The following KIF24 variants were observed in gnomAD, a reference collection of about 807,000 sequenced individuals.
KIF24 encodes kinesin-like protein KIF24.
KIF24 carries 81 observed loss-of-function variants against 118.9 expected under a neutral mutation model. The ratio of observed to expected loss-of-function variants is 0.68; its 90% CI spans 0.57 to 0.82. The LOEUF (loss-of-function observed/expected upper bound fraction) is 0.82. Ranked by LOEUF, KIF24 falls within the 40% of genes least tolerant of loss-of-function variation. KIF24 has a pLI of 0.00. For missense variants in KIF24, 1,560 were observed against 1,661.6 expected, an observed-to-expected ratio of 0.94 and a Z score of 1.06; for synonymous variants, 599 against 610.0, an observed-to-expected ratio of 0.98 and a Z score of 0.27.
intron 7 of KIF24, among the ~76,000 whole-genome samples, chr9:34,270,049 C>T (rs1835443976): frequency 6.6e-6 from 1 of 151,376 alleles, no homozygotes; most frequent in African/African-American, 2.4e-5. Flanking sequence ...TGGTGAAACC[C>T]CGTCTCTACT....
chr9:34,285,590 C>T lies in KIF24; in HGVS notation c.1215+1027G>A, dbSNP rs545629232. ...GAGATCGAGACCATTCTGGCAAACA[C>T]GGTGAAACCCCGTTTCTACTAAAAA... On this transcript the variant is annotated intron_variant, in intron 6 of 12. Coordinates refer to ENST00000402558, the MANE Select transcript of KIF24 (RefSeq NM_194313.4). 1.3e-3 allele frequency among the ~76,000 whole-genome samples: 195 copies of T among 151,926 alleles called. 1 individual carries two copies. Among genetic ancestry groups the T allele is most frequent in the Admixed American group, 3.1e-3 (47 of 15,250 alleles).
intron 9 of KIF24, among the ~76,000 whole-genome samples, chr9:34,262,044 C>T (rs1835076142): frequency 6.6e-6 from 1 of 152,186 alleles, no homozygotes; most frequent in Non-Finnish European, 1.5e-5. Flanking sequence ...AGTAATCCTC[C>T]CGCCTCAGCC....
intron 4 of KIF24, among the ~76,000 whole-genome samples, chr9:34,296,146 G>A (rs1836463528): frequency 6.7e-6 from 1 of 148,888 alleles, no homozygotes; most frequent in Non-Finnish European, 1.5e-5. Context: ...GTGAACCCGG[G>A]AGGCAGAGCT....
At chr9:34,268,505 C>CT (rs1563939819) in intron 8 of KIF24, among the ~76,000 whole-genome samples, 5 of 76,792 alleles carry the variant, frequency 6.5e-5, no homozygotes, top group Non-Finnish European at 1.2e-4. Context: ...CTAGGATTTT[C>CT]TTTCTTTTTT....
upstream of KIF24, chr9:34,329,591 C>G (rs1338723409): frequency 1.3e-5 from 2 of 152,310 alleles, no homozygotes; most frequent in Non-Finnish European, 2.9e-5. Flanking sequence ...CTACCTCCTT[C>G]TGCTTCGGGT....
rs757559739 is a variant in KIF24 at position 34,263,128 on chromosome 9, A to G, written c.1488T>C (p.Thr496=). The change falls in exon 9 of 13, where the codon ACT becomes ACC. Residue 496 remains threonine, a synonymous_variant. Coordinates refer to ENST00000402558, the MANE Select transcript of KIF24 (RefSeq NM_194313.4). ...GAGTTAGTTTGCTTTGCCTGAAGGG[A>G]GTATGGGTGTGTTCCTGATCCAGTG... ...IRALDQEHTH[T]PFRQSKLTQV... 6.2e-7 allele frequency: 1 copy of G among 1,613,406 alleles called. No homozygotes were observed. The highest frequency in any genetic ancestry group is 2.2e-5 in the East Asian group (1 of 44,872).
At chr9:34,254,910 T>C (rs1226438298) in intron 12 of KIF24, among the ~76,000 whole-genome samples, 162 bp downstream of exon 12, 1 of 152,146 alleles carries the variant, frequency 6.6e-6, no homozygotes, top group Non-Finnish European at 1.5e-5. Flanking sequence ...ATACTCAAGA[T>C]GTCTCAAAGG....
At chr9:34,264,897 C>A (rs1203787441) in intron 8 of KIF24, among the ~76,000 whole-genome samples, 4 of 152,004 alleles carry the variant, frequency 2.6e-5, no homozygotes, top group African/African-American at 4.8e-5. Context: ...GCATATACAA[C>A]TGGAAAAAGG....
intron 11 of KIF24, among the ~76,000 whole-genome samples, chr9:34,255,449 C>T (rs1181833579): frequency 6.6e-6 from 1 of 152,160 alleles, no homozygotes; most frequent in Non-Finnish European, 1.5e-5. Flanking sequence ...GGTGCTGCTG[C>T]TCTTCCACAG....
intron 12 of KIF24, 38 bp from the exon 13 acceptor site, chr9:34,254,558 T>C (rs749172321): frequency 6.3e-7 from 1 of 1,596,850 alleles, no homozygotes; most frequent in Non-Finnish European, 8.5e-7. Context: ...GCTTTTGCTC[T>C]TGCTGGCGCT....
At chr9:34,287,120 C>T (rs932281707) in intron 5 of KIF24, among the ~76,000 whole-genome samples, 1 of 152,158 alleles carries the variant, frequency 6.6e-6, no homozygotes, top group Middle Eastern at 3.2e-3. Flanking sequence ...CCCTGTGGCC[C>T]TGGGAGCAGT....
upstream of KIF24, among the ~76,000 whole-genome samples, chr9:34,330,757 C>A (rs1047813530): frequency 6.6e-6 from 1 of 152,018 alleles, no homozygotes; most frequent in African/African-American, 2.4e-5. Flanking sequence ...GTCAGGAGAT[C>A]GAGACCATCC....
In KIF24 at chr9:34,279,649, G is replaced by A. The variant is rs190869859; in HGVS notation, c.1215+6968C>T. Among the ~76,000 whole-genome samples the A allele has an allele frequency of 1.6e-3, 245 of 152,352 alleles. 1 individual carries two copies. The highest frequency in any genetic ancestry group is 2.9e-3 in the Non-Finnish European group (194 of 68,036). The stretch of plus-strand genomic sequence containing the variant: ...ATGAAGCTACCAGTTGTGCAGGCAG[G>A]CCATGCCTGAGTAATCCTGAGGGTG... On this transcript the variant is annotated intron_variant, in intron 6 of 12. Coordinates refer to ENST00000402558, the MANE Select transcript of KIF24 (RefSeq NM_194313.4).
At chr9:34,317,418 T>G (rs1837365559) in intron 1 of KIF24, among the ~76,000 whole-genome samples, 1 of 151,982 alleles carries the variant, frequency 6.6e-6, no homozygotes, top group Admixed American at 6.6e-5. Flanking sequence ...ATTTACTGGT[T>G]GTTGTTTTTA....
intron 6 of KIF24, among the ~76,000 whole-genome samples, chr9:34,274,959 T>A (rs921948784): frequency 2.4e-4 from 36 of 151,968 alleles, no homozygotes; most frequent in African/African-American, 8.0e-4. Flanking sequence ...ATTGAACCCA[T>A]GGACATAGAC....
In KIF24 at chr9:34,311,322, G is replaced by C. The variant is rs777170244; in HGVS notation, c.25C>G (p.Leu9Val). ...TACTGTGCAAGTTCAGCTTCACAAA[G>C]ACATTCATATAACCAGGATGCCATT... The part of the protein sequence containing the change: MASWLYEC[L>V]CEAELAQYYS... The change falls in exon 2 of 13, where the codon CTT becomes GTT. Residue 9 changes from leucine to valine, a missense_variant. This residue lies in a region of KIF24 where 964 missense variants were observed against 988.0 expected (regional missense o/e 0.98). Transcript: ENST00000402558. 1 of 1,583,136 alleles carries C rather than the reference G, an allele frequency of 6.3e-7. No homozygotes were observed. The highest frequency in any genetic ancestry group is 1.4e-5 in the African/African-American group (1 of 73,842).
chr9:34,296,581 C>A (rs886273181), intron 4 of KIF24, among the ~76,000 whole-genome samples: 5 of 151,740 alleles, frequency 3.3e-5, no homozygotes, highest in African/African-American at 7.3e-5. Context: ...AAGTGATATT[C>A]ACTTATCTAT....
chr9:34,318,564 T>C lies in KIF24; in HGVS notation c.-25-7193A>G. 2 of 1,224,652 alleles carry C rather than the reference T, an allele frequency of 1.6e-6. No individual in the cohort carries two copies. Among genetic ancestry groups the C allele is most frequent in the Non-Finnish European group, 2.4e-6 (2 of 844,618 alleles). The allele number at this position is 1,224,652 out of a possible 1,614,324, so 75.9% of individuals were successfully genotyped here. ...CACAGCGCCGGCCTGGCCTTCAGCC[T>C]GTACCAGGCCATGGCCAAGGACCAG... is the stretch of plus-strand genomic sequence containing the variant. On this transcript the variant is annotated intron_variant, in intron 1 of 12. Transcript: ENST00000402558. The surrounding 1 kb of genome is among the most constrained non-coding windows in gnomAD (Gnocchi z 4.9).
chr9:34,264,671 A>G (rs1835220457), intron 8 of KIF24, among the ~76,000 whole-genome samples: 1 of 152,186 alleles, frequency 6.6e-6, no homozygotes, highest in Non-Finnish European at 1.5e-5. Context: ...TTCTCCACTG[A>G]GAACGAACAA....
Sources: gnomAD v4.1 joint callset for allele counts (sites outside exome capture counted in the v4.1 genomes callset) on GRCh38, gnomAD v4.1.1 for gene constraint, gnomAD v4.1.1 regional missense constraint, Gnocchi (gnomAD v3.1) non-coding constraint, MANE v1.5 for transcripts, NCBI Gene and HGNC (gene_info 2026-07-23, HGNC 2026-07-21) for gene names.